The following GPHN variants were observed in gnomAD, a reference collection of about 807,000 sequenced individuals.
The protein encoded by GPHN is gephyrin.
In GPHN, 17 loss-of-function variants were observed where a neutral mutation model predicts 95.5. The ratio of observed to expected loss-of-function variants is 0.18; its 90% CI spans 0.12 to 0.27. The LOEUF (loss-of-function observed/expected upper bound fraction) is 0.27, where lower values mean the gene tolerates loss of function less well. Among genes scored for constraint, GPHN ranks in the 10% least tolerant of loss-of-function variants. The pLI, the probability that GPHN is intolerant of heterozygous loss-of-function variation, is 1.00. For missense variants in GPHN, 660 were observed against 978.1 expected, an observed-to-expected ratio of 0.67 and a Z score of 4.34; for synonymous variants, 320 against 322.5, an observed-to-expected ratio of 0.99 and a Z score of 0.08.
chr14:67,636,604 A>T, the GPHN span, among the ~76,000 whole-genome samples: 48 of 152,318 alleles, frequency 3.2e-4, no homozygotes, highest in Middle Eastern at 3.4e-3. Context: ...TCTTCCTTAC[A>T]GCCTGGTTGC....
chr14:67,086,374 G>A (rs1265276565), intron 11 of GPHN, among the ~76,000 whole-genome samples: 3 of 152,250 alleles, frequency 2.0e-5, no homozygotes, highest in South Asian at 2.1e-4. Flanking sequence ...AGTTCTGGTC[G>A]GGCGCGGTGG....
intron 1 of GPHN, among the ~76,000 whole-genome samples, chr14:66,514,651 A>G (rs2139723332): frequency 6.6e-6 from 1 of 152,214 alleles, no homozygotes; most frequent in Admixed American, 6.5e-5. Flanking sequence ...GAGAATAAGA[A>G]ATAGAATAAT....
intron 9 of GPHN, among the ~76,000 whole-genome samples, chr14:66,972,094 C>G (rs1386455384): frequency 6.6e-6 from 1 of 151,068 alleles, no homozygotes; most frequent in Non-Finnish European, 1.5e-5. Context: ...ATGGTAAAAC[C>G]CTGTCTGTAC....
intron 2 of GPHN, among the ~76,000 whole-genome samples, chr14:66,705,386 C>G (rs2068980230): frequency 6.6e-6 from 1 of 152,202 alleles, no homozygotes; most frequent in Non-Finnish European, 1.5e-5. Flanking sequence ...AGGCCAATAT[C>G]CCTGTTGAAC....
At chr14:67,662,190 A>AAAC in the GPHN span, among the ~76,000 whole-genome samples, 6 of 151,728 alleles carry the variant, frequency 4.0e-5, no homozygotes, top group African/African-American at 1.5e-4. Context: ...AAAAAAAAAA[A>AAAC]CAACAGATTT....
chr14:67,441,492 C>T, the GPHN span, among the ~76,000 whole-genome samples: 1 of 152,154 alleles, frequency 6.6e-6, no homozygotes, highest in African/African-American at 2.4e-5. Context: ...CAGCTACTCC[C>T]TCAAACTCAG....
At chr14:67,541,977 A>G in the GPHN span, 1 of 1,606,084 alleles carries the variant, frequency 6.2e-7, no homozygotes, top group Non-Finnish European at 8.5e-7. Context: ...AAGATAAGGG[A>G]GCTGCTGGCT....
intron 8 of GPHN, among the ~76,000 whole-genome samples, chr14:66,927,096 G>A (rs956174250): frequency 2.6e-5 from 4 of 152,044 alleles, no homozygotes; most frequent in Admixed American, 6.6e-5. Flanking sequence ...GCTTACACAT[G>A]TAAGCACTTT....
At chr14:67,031,986 C>T (rs2074217479) in intron 10 of GPHN, among the ~76,000 whole-genome samples, 1 of 152,018 alleles carries the variant, frequency 6.6e-6, no homozygotes, top group Admixed American at 6.5e-5. Context: ...AACTTAAAAG[C>T]AATATATGGT....
the GPHN span, chr14:67,359,529 G>A: frequency 9.3e-7 from 1 of 1,077,472 alleles, no homozygotes. Flanking sequence ...CTAGACTCAA[G>A]AAAAGAACCT....
chr14:67,138,888 T>TC (rs2080268983), intron 17 of GPHN, among the ~76,000 whole-genome samples: 1 of 69,734 alleles, frequency 1.4e-5, no homozygotes, highest in Non-Finnish European at 2.2e-5. Context: ...CATCCTCTCC[T>TC]TTTTTTTTTT....
chr14:67,608,505 C>A, the GPHN span, among the ~76,000 whole-genome samples: 1 of 152,154 alleles, frequency 6.6e-6, no homozygotes, highest in Non-Finnish European at 1.5e-5. Context: ...CCCACTAATA[C>A]AGAGGGACAA....
chr14:67,587,406 T>C, the GPHN span: 1 of 713,578 alleles, frequency 1.4e-6, no homozygotes. Flanking sequence ...CCTTATAATG[T>C]TTCAGGGCTC....
intron 2 of GPHN, among the ~76,000 whole-genome samples, chr14:66,710,239 C>T (rs1490664787): frequency 1.3e-5 from 2 of 152,076 alleles, no homozygotes; most frequent in African/African-American, 2.4e-5. Flanking sequence ...ATTGCTTTTG[C>T]AAATACAAAT....
chr14:67,375,368 G>A, the GPHN span, among the ~76,000 whole-genome samples: 2 of 151,464 alleles, frequency 1.3e-5, no homozygotes, highest in South Asian at 2.1e-4. Context: ...CGATCCTCTC[G>A]CCTCTGCCTC....
intron 10 of GPHN, among the ~76,000 whole-genome samples, chr14:67,053,553 A>G (rs2075410921): frequency 1.3e-5 from 2 of 152,198 alleles, no homozygotes. Context: ...AGCTGGTACC[A>G]TTTCTTCTGA....
At chr14:67,358,376 G>T in the GPHN span, among the ~76,000 whole-genome samples, 1 of 152,140 alleles carries the variant, frequency 6.6e-6, no homozygotes, top group Non-Finnish European at 1.5e-5. Flanking sequence ...CGGGCAGAAA[G>T]AAATCTGGGC....
At chr14:67,550,308 C>T in the GPHN span, among the ~76,000 whole-genome samples, 1 of 152,174 alleles carries the variant, frequency 6.6e-6, no homozygotes, top group African/African-American at 2.4e-5. Flanking sequence ...CCCACCTTAG[C>T]CTCCTAAGTA....
chr14:66,799,235 A>C (rs2060262499), intron 3 of GPHN, among the ~76,000 whole-genome samples: 1 of 151,766 alleles, frequency 6.6e-6, no homozygotes, highest in Non-Finnish European at 1.5e-5. Context: ...GTGACCTAAC[A>C]TATGGTCTAT....
Sources: gnomAD v4.1 joint callset for allele counts (sites outside exome capture counted in the v4.1 genomes callset) on GRCh38, gnomAD v4.1.1 for gene constraint, MANE v1.5 for transcripts, NCBI Gene and HGNC (gene_info 2026-07-23, HGNC 2026-07-21) for gene names.